The following GDF15 variants were observed in gnomAD, a reference collection of about 807,000 sequenced individuals.
GDF15 encodes growth differentiation factor 15, also known as growth/differentiation factor 15.
In GDF15, 10 loss-of-function variants were observed where a neutral mutation model predicts 8.9. That is an observed-to-expected ratio of 1.12 (90% CI 0.69 to 1.90). The LOEUF is 1.90. Among genes scored for constraint, GDF15 ranks in the 40% most tolerant of loss-of-function variants. The pLI, the probability that GDF15 is intolerant of heterozygous loss-of-function variation, is 0.00. For missense variants in GDF15, 452 were observed against 434.2 expected, an observed-to-expected ratio of 1.04 and a Z score of -0.36; for synonymous variants, 228 against 210.6, an observed-to-expected ratio of 1.08 and a Z score of -0.72.
intron 1 of GDF15, chr19:18,386,848 T>G: frequency 9.5e-6 from 2 of 211,072 alleles, no homozygotes. Context: ...GGATAGAAGT[T>G]TGTGATGGGC....
intron 1 of GDF15, 91 bp downstream of exon 1, chr19:18,386,557 T>A: frequency 1.4e-5 from 15 of 1,098,510 alleles, no homozygotes; most frequent in Non-Finnish European, 1.7e-5. Flanking sequence ...CAGACCTACC[T>A]TTGAGCCTCA....
At chr19:18,386,616 C>A in intron 1 of GDF15, 150 bp downstream of exon 1, 1 of 685,098 alleles carries the variant, frequency 1.5e-6, no homozygotes, top group Middle Eastern at 2.5e-4. Flanking sequence ...CCCCTTGGGT[C>A]TGATGGGGTA....
chr19:18,386,211 A>G lies in GDF15; in HGVS notation c.22A>G (p.Thr8Ala). The G allele has an allele frequency of 6.2e-7, 1 of 1,612,360 alleles. No individual in the cohort carries two copies. The highest frequency in any genetic ancestry group is 8.5e-7 in the Non-Finnish European group (1 of 1,179,736). ...AGCCATGCCCGGGCAAGAACTCAGGACGGTGAATGGCTCTCAGATGCTCCT... is the reference window on the plus strand; with the variant it reads ...AGCCATGCCCGGGCAAGAACTCAGGGCGGTGAATGGCTCTCAGATGCTCCT... MPGQELR[T>A]VNGSQMLLVL... The change falls in exon 1 of 2, where the codon ACG becomes GCG. Residue 8 changes from threonine (T) to alanine (A), a missense_variant. Thr to Ala is a moderately conservative substitution (Grantham distance 58). Coordinates refer to ENST00000252809, the MANE Select transcript of GDF15 (RefSeq NM_004864.4).
At position 18,388,936 on chromosome 19, in the gene GDF15, G is replaced by A; in HGVS notation, c.*1G>A. 6.3e-7 allele frequency: 1 copy of A among 1,599,484 alleles called. No individual in the cohort carries two copies. Among genetic ancestry groups the A allele is most frequent in the Non-Finnish European group, 8.5e-7 (1 of 1,174,120 alleles). On this transcript the variant is annotated 3_prime_UTR_variant, in exon 2 of 2. Coordinates refer to ENST00000252809, the MANE Select transcript of GDF15 (RefSeq NM_004864.4). The surrounding 1 kb of genome is among the most constrained non-coding windows in gnomAD (Gnocchi z 4.2). Reference sequence around the variant, plus strand: ...AGCCAAAGACTGCCACTGCATATGAGCAGTCCTGGTCCTTCCACTGTGCAC... The same window carrying A: ...AGCCAAAGACTGCCACTGCATATGAACAGTCCTGGTCCTTCCACTGTGCAC...
Position 18,388,599 on chromosome 19 carries a change from G to T in GDF15, c.591G>T (p.Ala197=), listed in dbSNP as rs778528624. 2.9e-5 allele frequency: 46 copies of T among 1,600,550 alleles called. No individual in the cohort carries two copies. Among genetic ancestry groups the T allele is most frequent in the Middle Eastern group, 3.3e-4 (2 of 6,050 alleles). ...CCAGGGGGCGCCGCAGAGCGCGTGC[G>T]CGCAACGGGGACCACTGTCCGCTCG... ...QAARGRRRAR[A]RNGDHCPLGP... is the part of the protein sequence containing the mutation. Residue 197 remains alanine, a synonymous_variant, in exon 2 of 2, where the codon GCG becomes GCT. Transcript: ENST00000252809. The surrounding 1 kb of genome is among the most constrained non-coding windows in gnomAD (Gnocchi z 4.2).
chr19:18,388,971 G>C lies in GDF15; in HGVS notation c.*36G>C, dbSNP rs1270481387. ...TCCTTCCACTGTGCACCTGCGCGGAGGACGCGACCTCAGTTGTCCTGCCCT... is the reference window on the plus strand; with the variant it reads ...TCCTTCCACTGTGCACCTGCGCGGACGACGCGACCTCAGTTGTCCTGCCCT... On this transcript the variant is annotated 3_prime_UTR_variant, in exon 2 of 2. Transcript: ENST00000252809. This position sits in a 1 kb window ranked among gnomAD's most constrained non-coding sequence, Gnocchi z 4.2. 9 of 1,488,620 alleles carry C rather than the reference G, an allele frequency of 6.0e-6. No homozygotes were observed. Among genetic ancestry groups the C allele is most frequent in the Non-Finnish European group, 8.2e-6 (9 of 1,095,620 alleles). 92.2% of individuals were successfully genotyped at this position (1,488,620 alleles called of 1,614,324 possible).
At chr19:18,387,807 A>T (rs930302109) in intron 1 of GDF15, among the ~76,000 whole-genome samples, 27 of 96,870 alleles carry the variant, frequency 2.8e-4, no homozygotes, top group Admixed American at 2.3e-3. Flanking sequence ...CAAGGGGAGA[A>T]ATGCCCTTTT....
chr19:18,387,807 A>G, intron 1 of GDF15, among the ~76,000 whole-genome samples: 1 of 96,870 alleles, frequency 1.0e-5, no homozygotes, highest in Admixed American at 1.2e-4. Context: ...CAAGGGGAGA[A>G]ATGCCCTTTT....
Position 18,388,491 on chromosome 19 carries a change from G to A in GDF15, c.483G>A (p.Pro161=). The change falls in exon 2 of 2, where the codon CCG becomes CCA. Residue 161 remains proline, a synonymous_variant. Transcript: ENST00000252809. This position sits in a 1 kb window ranked among gnomAD's most constrained non-coding sequence, Gnocchi z 4.2. ...QAPALHLRLS[P]PPSQSDQLLA... The stretch of plus-strand genomic sequence containing the variant: ...CCGCGCTGCACCTGCGACTGTCGCC[G>A]CCGCCGTCGCAGTCGGACCAACTGC... 1 of 1,604,282 alleles carries A rather than the reference G, an allele frequency of 6.2e-7. No individual in the cohort carries two copies. Among genetic ancestry groups the A allele is most frequent in the Non-Finnish European group, 8.5e-7 (1 of 1,177,612 alleles).
chr19:18,388,470 G>T lies in GDF15; in HGVS notation c.462G>T (p.Ala154=), dbSNP rs374606889. ...GCCTTGCAAGACCCCAGGCGCCCGC[G>T]CTGCACCTGCGACTGTCGCCGCCGC... The part of the protein sequence containing the change: ...QLSLARPQAP[A]LHLRLSPPPS... The change falls in exon 2 of 2, where the codon GCG becomes GCT. Residue 154 remains alanine, a synonymous_variant. Transcript: ENST00000252809. This position sits in a 1 kb window ranked among gnomAD's most constrained non-coding sequence, Gnocchi z 4.2. 2.4e-4 allele frequency: 384 copies of T among 1,607,776 alleles called. No individual in the cohort carries two copies. Among genetic ancestry groups the T allele is most frequent in the Non-Finnish European group, 3.1e-4 (362 of 1,178,904 alleles).
In GDF15 at chr19:18,388,445, G is replaced by A; in HGVS notation, c.437G>A (p.Ser146Asn). Residue 146 changes from serine (S) to asparagine (N), a missense_variant, in exon 2 of 2, where the codon AGC becomes AAC. Coordinates refer to ENST00000252809, the MANE Select transcript of GDF15 (RefSeq NM_004864.4). The surrounding 1 kb of genome is among the most constrained non-coding windows in gnomAD (Gnocchi z 4.2). Reference sequence around the variant, plus strand: ...ACACGACCGCTGCGGCGTCAGCTCAGCCTTGCAAGACCCCAGGCGCCCGCG... The same window carrying A: ...ACACGACCGCTGCGGCGTCAGCTCAACCTTGCAAGACCCCAGGCGCCCGCG... Reference protein sequence around the residue: ...DVTRPLRRQLSLARPQAPALH... With the variant: ...DVTRPLRRQLNLARPQAPALH... 1 of 1,609,922 alleles carries A rather than the reference G, an allele frequency of 6.2e-7. No individual in the cohort carries two copies. Among genetic ancestry groups the A allele is most frequent in the Non-Finnish European group, 8.5e-7 (1 of 1,179,310 alleles).
intron 1 of GDF15, among the ~76,000 whole-genome samples, chr19:18,387,839 T>TTTTTTTTTTTTTTTTTTTG (rs1199190336): frequency 9.7e-6 from 1 of 103,570 alleles, no homozygotes; most frequent in Non-Finnish European, 2.1e-5. Context: ...TTTTTTTTTT[T>TTTTTTTTTTTTTTTTTTTG]GAGAGGGAGT....
intron 1 of GDF15, chr19:18,386,827 G>T (rs1445279574): frequency 1.1e-5 from 3 of 268,792 alleles, no homozygotes; most frequent in East Asian, 1.6e-4. Context: ...AACAATGGGG[G>T]TGTGGTGCAT....
chr19:18,386,586 T>C (rs1971834665), intron 1 of GDF15, 120 bp downstream of exon 1: 1 of 822,794 alleles, frequency 1.2e-6, no homozygotes, highest in Non-Finnish European at 1.9e-6. Context: ...ATCTGTGCCC[T>C]GGGTAGGAAT....
At chr19:18,387,813 CTTTTTTTTTTT>C (rs538473844) in intron 1 of GDF15, among the ~76,000 whole-genome samples, 4 of 70,352 alleles carry the variant, frequency 5.7e-5, no homozygotes, top group African/African-American at 8.1e-5. Context: ...GAGAAATGCC[CTTTTTTTTTTT>C]TTTTTTTTTT....
chr19:18,386,779 A>C, intron 1 of GDF15: 1 of 405,862 alleles, frequency 2.5e-6, no homozygotes, highest in Non-Finnish European at 4.6e-6. Flanking sequence ...CGGTGTGGGC[A>C]TGGTCCCTGA....
rs1481239764 is a variant in GDF15 at position 18,388,645 on chromosome 19, C to T, written c.637C>T (p.Leu213=). ...GCTCGGGCCCGGGCGTTGCTGCCGT[C>T]TGCACACGGTCCGCGCGTCGCTGGA... ...CPLGPGRCCR[L]HTVRASLEDL... Residue 213 remains leucine (L), a synonymous_variant, in exon 2 of 2, where the codon CTG becomes TTG. Coordinates refer to ENST00000252809, the MANE Select transcript of GDF15 (RefSeq NM_004864.4). The surrounding 1 kb of genome is among the most constrained non-coding windows in gnomAD (Gnocchi z 4.2). The T allele has an allele frequency of 1.9e-6, 3 of 1,601,334 alleles. No homozygotes were observed. The South Asian group carries it at 3.3e-5, about 18-fold the overall frequency.
At chr19:18,387,668 A>G (rs1476457020) in intron 1 of GDF15, among the ~76,000 whole-genome samples, 1 of 152,158 alleles carries the variant, frequency 6.6e-6, no homozygotes, top group Non-Finnish European at 1.5e-5. Flanking sequence ...TGCCAGGCAC[A>G]GTGTCAACCA....
intron 1 of GDF15, among the ~76,000 whole-genome samples, chr19:18,387,461 T>C (rs991912315): frequency 6.6e-6 from 1 of 152,066 alleles, no homozygotes; most frequent in Non-Finnish European, 1.5e-5. Flanking sequence ...ATCCAGGAGA[T>C]TGAGGCTGCA....
Sources: allele counts gnomAD v4.1 joint callset (sites outside exome capture counted in the v4.1 genomes callset), GRCh38; gene constraint gnomAD v4.1.1; non-coding constraint Gnocchi (gnomAD v3.1); transcripts MANE v1.5; gene names NCBI Gene and HGNC (gene_info 2026-07-23, HGNC 2026-07-21).